ASRGL1: variants seen among roughly 807,000 people sequenced by gnomAD.
ASRGL1 encodes asparaginase and isoaspartyl peptidase 1.
Under a neutral mutation model 22.4 loss-of-function variants are expected in ASRGL1, and 16 were observed. The observed-to-expected ratio is 0.71, with a 90% CI of 0.48 to 1.08. ASRGL1 has a LOEUF of 1.08. Among genes scored for constraint, ASRGL1 ranks in the 50% least tolerant of loss-of-function variants. The probability of loss-of-function intolerance (pLI) is 0.00; values close to 1 mark genes in which losing one functional copy is unlikely to be tolerated. For missense variants in ASRGL1, 412 were observed against 410.1 expected (o/e 1.00, Z -0.04); for synonymous variants, 165 against 159.3 (o/e 1.04, Z -0.27).
At chr11:62,383,498 G>C (rs1355684547) in intron 4 of ASRGL1, among the ~76,000 whole-genome samples, 2 of 149,888 alleles carry the variant, frequency 1.3e-5, no homozygotes, top group African/African-American at 2.5e-5. Flanking sequence ...AGCTACTCGG[G>C]AGGCTGAGGC....
chr11:62,371,592 C>A, intron 4 of ASRGL1: 2 of 678,488 alleles, frequency 2.9e-6, no homozygotes, highest in South Asian at 2.7e-5. Context: ...GGGACTTCCT[C>A]ACAAAGTGCA....
At chr11:62,362,629 AAATATATAT>A (rs1270932775) in intron 4 of ASRGL1, among the ~76,000 whole-genome samples, 19 of 50,030 alleles carry the variant, frequency 3.8e-4, no homozygotes, top group African/African-American at 8.2e-4. Context: ...ATATTATATA[AAATATATAT>A]AATATATAAT....
At chr11:62,396,615 C>T (rs1312413806), downstream of ASRGL1, among the ~76,000 whole-genome samples, 1 of 152,076 alleles carries the variant, frequency 6.6e-6, no homozygotes. Context: ...CAAGAGGGCC[C>T]CAGGCGAAAA....
Position 62,369,987 on chromosome 11 carries a change from G to A in ASRGL1, c.491+12843G>A, listed in dbSNP as rs112862949. ...AATTCCACAATCTTGTAGAATTATT[G>A]TGCCAATGGTTAACAAAGTTTACTG... On this transcript the variant is annotated intron_variant, in intron 4 of 6. Coordinates refer to ENST00000415229, the MANE Select transcript of ASRGL1 (RefSeq NM_001083926.2). Among the ~76,000 whole-genome samples the A allele has an allele frequency of 4.7e-3, 710 of 152,156 alleles. 5 individuals carry two copies. The highest frequency in any genetic ancestry group is 0.015 in the African/African-American group (620 of 41,478).
At chr11:62,385,691 C>T (rs893016086) in intron 4 of ASRGL1, among the ~76,000 whole-genome samples, 1 of 142,794 alleles carries the variant, frequency 7.0e-6, no homozygotes, top group African/African-American at 2.6e-5. Flanking sequence ...ATGGTGAAAC[C>T]CCGTCTCTAC....
intron 4 of ASRGL1, among the ~76,000 whole-genome samples, chr11:62,375,961 G>A: frequency 6.6e-6 from 1 of 151,876 alleles, no homozygotes; most frequent in Non-Finnish European, 1.5e-5. Flanking sequence ...AATTAGCTGG[G>A]CGTGGTGGCA....
the ASRGL1 span, among the ~76,000 whole-genome samples, chr11:62,401,252 G>A: frequency 1.3e-5 from 2 of 152,230 alleles, no homozygotes; most frequent in Non-Finnish European, 2.9e-5. Flanking sequence ...GAGGATGCCA[G>A]GATGTGAGCC....
At position 62,391,510 on chromosome 11, in the gene ASRGL1, C is replaced by G. The variant is rs1947335774; in HGVS notation, c.611-12C>G. On this transcript the variant is annotated splice_polypyrimidine_tract_variant and intron_variant, in intron 5 of 6. Transcript: ENST00000415229. ...ACTGTTACTGCTCAGAACAATCACC[C>G]TTTTTGAGCAGGAGCTGGAGGTTAT... 1 of 1,604,284 alleles carries G rather than the reference C, an allele frequency of 6.2e-7. No homozygotes were observed. The highest frequency in any genetic ancestry group is 1.7e-5 in the Admixed American group (1 of 58,698).
intron 4 of ASRGL1, chr11:62,381,814 A>G (rs901528008): frequency 6.6e-6 from 1 of 152,378 alleles, no homozygotes; most frequent in Non-Finnish European, 1.5e-5. Context: ...CGAGGGCACA[A>G]GCTTACCACA....
chr11:62,372,314 C>T (rs1368659202), intron 4 of ASRGL1: 21 of 1,602,346 alleles, frequency 1.3e-5, no homozygotes, highest in South Asian at 2.2e-5. Context: ...GGCAGCTGGG[C>T]CTTGGCAACT....
rs201870863 is a variant in ASRGL1 at position 62,356,414 on chromosome 11, G to A, written c.280G>A (p.Ala94Thr). The change falls in exon 3 of 7, where the codon GCA (alanine) becomes ACA (threonine). Residue 94 changes from alanine (A) to threonine (T), a missense_variant. Transcript: ENST00000415229. ...AGACCTGTCTGCAGGAGCAGTGTCCGCAGTCCAGTGTATAGCAAATCCCAT... is the reference window on the plus strand; with the variant it reads ...AGACCTGTCTGCAGGAGCAGTGTCCACAGTCCAGTGTATAGCAAATCCCAT... ...GKDLSAGAVS[A>T]VQCIANPIKL... 6.1e-5 allele frequency: 99 copies of A among 1,614,196 alleles called. 2 individuals carry two copies. The highest frequency in any genetic ancestry group is 5.8e-4 in the South Asian group (53 of 91,082).
At chr11:62,368,178 TTTA>T (rs538353160) in intron 4 of ASRGL1, among the ~76,000 whole-genome samples, 7 of 152,290 alleles carry the variant, frequency 4.6e-5, no homozygotes, top group East Asian at 3.9e-4. Context: ...ATTGTATTAT[TTTA>T]TTATTGTTAA....
intron 4 of ASRGL1, among the ~76,000 whole-genome samples, chr11:62,362,428 T>C (rs916207934): frequency 7.5e-6 from 1 of 132,832 alleles, no homozygotes. Flanking sequence ...CTGATTTCTA[T>C]TAATAAATTT....
intron 2 of ASRGL1, among the ~76,000 whole-genome samples, chr11:62,349,816 T>G (rs960390540): frequency 6.6e-6 from 1 of 152,160 alleles, no homozygotes; most frequent in Non-Finnish European, 1.5e-5. Flanking sequence ...TTTATGGTTA[T>G]TTCTTGATGA....
At chr11:62,391,775 G>A (rs1007946366) in intron 6 of ASRGL1, 143 bp downstream of exon 6, 14 of 1,084,196 alleles carry the variant, frequency 1.3e-5, no homozygotes, top group African/African-American at 1.6e-5. Flanking sequence ...ACCTTGTTTT[G>A]ACTCTCCGCC....
At chr11:62,383,627 A>AAAAAAAAAAAG (rs1281531653) in intron 4 of ASRGL1, among the ~76,000 whole-genome samples, 2 of 137,010 alleles carry the variant, frequency 1.5e-5, no homozygotes, top group African/African-American at 2.7e-5. Context: ...AAAAAAAAAA[A>AAAAAAAAAAAG]AGAACATCAT....
rs1333693950 is a variant in ASRGL1, at chr11:62,392,582, A to AAG, written c.*299_*300insGA. On this transcript the variant is annotated 3_prime_UTR_variant, in exon 7 of 7. Transcript: ENST00000415229. ...AGGCCCTGTATCAAAAAAAAAAAAA[A>AAG]AAAGAAAAGGGAAAAAAGAAAGAAA... 6 of 412,904 alleles carry AAG rather than the reference A, an allele frequency of 1.5e-5. No individual in the cohort carries two copies. The highest frequency in any genetic ancestry group is 2.2e-5 in the Non-Finnish European group (5 of 227,060). 25.6% of individuals were successfully genotyped at this position (412,904 alleles called of 1,614,324 possible). A position where few individuals can be genotyped will look rare whatever the true frequency, so the allele number is the denominator to read the frequency against.
At chr11:62,368,736 T>A (rs1590736939) in intron 4 of ASRGL1, among the ~76,000 whole-genome samples, 1 of 151,528 alleles carries the variant, frequency 6.6e-6, no homozygotes. Context: ...GGGGAGAGGG[T>A]CAGCAGGAAA....
rs1037081057 is a variant in ASRGL1 at position 62,354,847 on chromosome 11, G to A, written c.191-1478G>A. On this transcript the variant is annotated intron_variant, in intron 2 of 6. Coordinates refer to ENST00000415229, the MANE Select transcript of ASRGL1 (RefSeq NM_001083926.2). ...CTTATTTCAGTAAAATATAGCCAAGGAAAGAAAATGAAGCTGGAAAAGCAG... is the reference window on the plus strand; with the variant it reads ...CTTATTTCAGTAAAATATAGCCAAGAAAAGAAAATGAAGCTGGAAAAGCAG... Among the ~76,000 whole-genome samples the A allele has an allele frequency of 5.9e-5, 9 of 152,280 alleles. 1 individual carries two copies. The East Asian group carries it at 1.7e-3, about 29-fold the overall frequency.
Sources: gnomAD v4.1 joint callset for allele counts (sites outside exome capture counted in the v4.1 genomes callset) on GRCh38, gnomAD v4.1.1 for gene constraint, MANE v1.5 for transcripts, NCBI Gene and HGNC (gene_info 2026-07-23, HGNC 2026-07-21) for gene names.